The following PCDHGC5 variants were observed in gnomAD, a reference collection of about 807,000 sequenced individuals.
PCDHGC5 encodes protocadherin gamma subfamily C, 5, also known as protocadherin gamma-C5.
PCDHGC5 carries 25 observed loss-of-function variants against 59.0 expected under a neutral mutation model. That is an observed-to-expected ratio of 0.42 (90% CI 0.31 to 0.59). The LOEUF (loss-of-function observed/expected upper bound fraction) is 0.59. PCDHGC5 is among the 20% of genes least tolerant of loss of function. PCDHGC5 has a pLI of 0.13. For missense variants in PCDHGC5, 1,067 were observed against 1,206.4 expected (o/e 0.88, Z 1.71); for synonymous variants, 434 against 505.5 (o/e 0.86, Z 1.90).
rs1029237740 is a variant in PCDHGC5, at chr5:141,500,358, A to G, written c.2520-5035A>G. ...AGAATAGCTGGGACTACAGGCGCCC[A>G]CTACCACGCCCGGCTAATTATTTTG... On this transcript the variant is annotated intron_variant, in intron 2 of 3. Coordinates refer to ENST00000252087, the MANE Select transcript of PCDHGC5 (RefSeq NM_018929.3). Among the ~76,000 whole-genome samples, 5 of 151,706 alleles carry G rather than the reference A, an allele frequency of 3.3e-5. No homozygotes were observed. In the South Asian group the frequency reaches 6.3e-4, roughly 19 times the overall value.
chr5:141,502,027 C>T (rs547850211), intron 2 of PCDHGC5, among the ~76,000 whole-genome samples: 6 of 152,274 alleles, frequency 3.9e-5, no homozygotes, highest in African/African-American at 9.6e-5. Flanking sequence ...CTGCAACCCC[C>T]GCCGCTTGCC....
Position 141,489,087 on chromosome 5 carries a change from TGA to T in PCDHGC5, c.-153_-152del. The T allele has an allele frequency of 4.6e-6, 1 of 216,098 alleles. No individual in the cohort carries two copies. 13.4% of individuals were successfully genotyped at this position (216,098 alleles called of 1,614,324 possible). ...CCCCCTGCCCACCCCCGCCACTCGGTGACTAAGAACTGCTGCAAGCAGGCAAA... is the reference window on the plus strand; with the variant it reads ...CCCCCTGCCCACCCCCGCCACTCGGTCTAAGAACTGCTGCAAGCAGGCAAA... On this transcript the variant is annotated 5_prime_UTR_variant, in exon 1 of 4. Transcript: ENST00000252087. The surrounding 1 kb of genome is among the most constrained non-coding windows in gnomAD (Gnocchi z 4.5).
intron 3 of PCDHGC5, among the ~76,000 whole-genome samples, chr5:141,506,923 C>G: frequency 6.6e-6 from 1 of 152,184 alleles, no homozygotes; most frequent in African/African-American, 2.4e-5. Flanking sequence ...ACATACTAAA[C>G]AAACTTTAGG....
intron 1 of PCDHGC5, chr5:141,492,033 C>A: frequency 1.8e-6 from 1 of 548,342 alleles, no homozygotes; most frequent in Non-Finnish European, 3.1e-6. Flanking sequence ...CGGGAGGAGG[C>A]AGTCACAGAT....
chr5:141,492,230 C>T (rs1286145654), intron 1 of PCDHGC5, among the ~76,000 whole-genome samples: 1 of 152,196 alleles, frequency 6.6e-6, no homozygotes. Flanking sequence ...CGTGTCCTCC[C>T]TGCTGGCCAC....
intron 2 of PCDHGC5, among the ~76,000 whole-genome samples, chr5:141,500,231 C>T (rs992215482): frequency 1.4e-5 from 2 of 138,098 alleles, no homozygotes; most frequent in East Asian, 4.1e-4. Context: ...TTTATTGATA[C>T]GTAGCCTTGC....
At chr5:141,496,602 C>A (rs981108050) in intron 2 of PCDHGC5, among the ~76,000 whole-genome samples, 5 of 152,150 alleles carry the variant, frequency 3.3e-5, no homozygotes, top group Admixed American at 1.3e-4. Flanking sequence ...TCTTAGAAGG[C>A]CCCTAAAAAG....
chr5:141,499,921 C>A, intron 2 of PCDHGC5, among the ~76,000 whole-genome samples: 1 of 152,128 alleles, frequency 6.6e-6, no homozygotes, highest in Middle Eastern at 3.2e-3. Context: ...CTCCTGGCCT[C>A]AAGTGATCCA....
rs1177043977 is a variant in PCDHGC5, at chr5:141,491,919, C to G, written c.2460+219C>G. On this transcript the variant is annotated intron_variant, in intron 1 of 3. Coordinates refer to ENST00000252087, the MANE Select transcript of PCDHGC5 (RefSeq NM_018929.3). The surrounding 1 kb of genome is among the most constrained non-coding windows in gnomAD (Gnocchi z 6.9). ...CACCGGGGGTGGTGGCGACTGTGGG[C>G]GAGGGGAGGTGGGACCGACCCCCAC... 5 of 1,361,900 alleles carry G rather than the reference C, an allele frequency of 3.7e-6. No homozygotes were observed. The South Asian group carries it at 7.8e-5, about 21-fold the overall frequency. The allele number at this position is 1,361,900 out of a possible 1,614,324, so 84.4% of individuals were successfully genotyped here. A position where few individuals can be genotyped will look rare whatever the true frequency, so the allele number is the denominator to read the frequency against.
At chr5:141,507,810 G>C (rs550331241) in intron 3 of PCDHGC5, among the ~76,000 whole-genome samples, 5 of 152,172 alleles carry the variant, frequency 3.3e-5, no homozygotes, top group Non-Finnish European at 2.9e-5. Context: ...CCTGGGGAAC[G>C]GACCCTGGGG....
intron 2 of PCDHGC5, among the ~76,000 whole-genome samples, chr5:141,504,506 A>T (rs575756846): frequency 1.3e-5 from 2 of 152,096 alleles, no homozygotes; most frequent in African/African-American, 4.8e-5. Context: ...GTCTGAGTGG[A>T]TCTCCTCTGA....
rs1243327893 is a variant in PCDHGC5, at chr5:141,491,671, C to A, written c.2431C>A (p.Arg811Ser). 2.5e-6 allele frequency: 4 copies of A among 1,613,366 alleles called. No homozygotes were observed. Among genetic ancestry groups the A allele is most frequent in the Non-Finnish European group, 3.4e-6 (4 of 1,179,808 alleles). The change falls in exon 1 of 4, where the codon CGC becomes AGC. Residue 811 changes from arginine (R) to serine (S), a missense_variant. Coordinates refer to ENST00000252087, the MANE Select transcript of PCDHGC5 (RefSeq NM_018929.3). The surrounding 1 kb of genome is among the most constrained non-coding windows in gnomAD (Gnocchi z 6.9). Reference sequence around the variant, plus strand: ...GCTGGAGCCTGACGCCATCCGGTCCCGCTCTAATACGCTGCGGGAGCGGAG... The same window carrying A: ...GCTGGAGCCTGACGCCATCCGGTCCAGCTCTAATACGCTGCGGGAGCGGAG... ...LALEPDAIRS[R>S]SNTLRERSQQ...
Position 141,491,665 on chromosome 5 carries a change from C to G in PCDHGC5, c.2425C>G (p.Arg809Gly). ...TALALEPDAI[R>G]SRSNTLRERS... The stretch of plus-strand genomic sequence containing the variant: ...TCTGGCGCTGGAGCCTGACGCCATC[C>G]GGTCCCGCTCTAATACGCTGCGGGA... Residue 809 changes from arginine (R) to glycine (G), a missense_variant, in exon 1 of 4, where the codon CGG (arginine) becomes GGG (glycine). Physicochemically the swap from Arg to Gly is moderately radical, Grantham distance 125. Transcript: ENST00000252087. This position sits in a 1 kb window ranked among gnomAD's most constrained non-coding sequence, Gnocchi z 6.9. 1 of 1,613,764 alleles carries G rather than the reference C, an allele frequency of 6.2e-7. No homozygotes were observed. Among genetic ancestry groups the G allele is most frequent in the Non-Finnish European group, 8.5e-7 (1 of 1,180,000 alleles).
rs772884830 is a variant in PCDHGC5 at position 141,491,791 on chromosome 5, C to T, written c.2460+91C>T. ...TAAGGGATTGAACTTGCATCCACTCCTCTCCGGCCGGCTTGGTCGCTGGCT... is the reference window on the plus strand; with the variant it reads ...TAAGGGATTGAACTTGCATCCACTCTTCTCCGGCCGGCTTGGTCGCTGGCT... On this transcript the variant is annotated intron_variant, in intron 1 of 3. Coordinates refer to ENST00000252087, the MANE Select transcript of PCDHGC5 (RefSeq NM_018929.3). This position sits in a 1 kb window ranked among gnomAD's most constrained non-coding sequence, Gnocchi z 6.9. The T allele has an allele frequency of 3.3e-6, 5 of 1,518,376 alleles. No homozygotes were observed. In the African/African-American group the frequency reaches 4.2e-5, roughly 13 times the overall value. The allele number at this position is 1,518,376 out of a possible 1,614,324, so 94.1% of individuals were successfully genotyped here.
Position 141,490,503 on chromosome 5 carries a change from C to A in PCDHGC5, c.1263C>A (p.Ile421=), listed in dbSNP as rs2099701103. The change falls in exon 1 of 4, where the codon ATC becomes ATA. Residue 421 remains isoleucine (I), a synonymous_variant. Coordinates refer to ENST00000252087, the MANE Select transcript of PCDHGC5 (RefSeq NM_018929.3). The surrounding 1 kb of genome is among the most constrained non-coding windows in gnomAD (Gnocchi z 5.4). ...ACCGGGAGGCCACATCCCACTATAT[C>A]ATCGAGCTGCTGGCCAGCGATGCTG... ...PLDREATSHY[I]IELLASDAGS... is the part of the protein sequence containing the mutation. 3.7e-6 allele frequency: 6 copies of A among 1,614,206 alleles called. No individual in the cohort carries two copies. In the African/African-American group the frequency reaches 8.0e-5, roughly 22 times the overall value.
Position 141,511,344 on chromosome 5 carries a change from T to G in PCDHGC5, c.*171T>G, listed in dbSNP as rs2099883730. 3 of 1,419,052 alleles carry G rather than the reference T, an allele frequency of 2.1e-6. No homozygotes were observed. Among genetic ancestry groups the G allele is most frequent in the Non-Finnish European group, 2.8e-6 (3 of 1,067,404 alleles). 87.9% of individuals were successfully genotyped at this position (1,419,052 alleles called of 1,614,324 possible). On this transcript the variant is annotated 3_prime_UTR_variant, in exon 4 of 4. Coordinates refer to ENST00000252087, the MANE Select transcript of PCDHGC5 (RefSeq NM_018929.3). The stretch of plus-strand genomic sequence containing the variant: ...CAAGTGCCCAGTCAGCACCTACCCC[T>G]TCCCCCCCAGGGGGTTGAATATGCA...
Position 141,500,858 on chromosome 5 carries a change from A to G in PCDHGC5, c.2520-4535A>G, listed in dbSNP as rs1160743056. Among the ~76,000 whole-genome samples the G allele has an allele frequency of 3.3e-5, 5 of 150,740 alleles. No individual in the cohort carries two copies. The South Asian group carries it at 1.0e-3, about 32-fold the overall frequency. ...TAATGGGCTTTTGCTACATTAGAAA[A>G]CATACACATTCATTTACAATTTTTT... On this transcript the variant is annotated intron_variant, in intron 2 of 3. Coordinates refer to ENST00000252087, the MANE Select transcript of PCDHGC5 (RefSeq NM_018929.3).
intron 1 of PCDHGC5, among the ~76,000 whole-genome samples, chr5:141,492,421 C>G (rs986772215): frequency 5.9e-5 from 9 of 152,250 alleles, no homozygotes; most frequent in African/African-American, 1.9e-4. Context: ...CTCCCTCCGC[C>G]GGGCTCAGGA....
rs1270447529 is a variant in PCDHGC5 at position 141,490,526 on chromosome 5, C to A, written c.1286C>A (p.Ala429Asp). 3 of 1,614,116 alleles carry A rather than the reference C, an allele frequency of 1.9e-6. No homozygotes were observed. Among genetic ancestry groups the A allele is most frequent in the Non-Finnish European group, 2.5e-6 (3 of 1,180,008 alleles). Residue 429 changes from alanine to aspartate, a missense_variant, in exon 1 of 4, where the codon GCT becomes GAT. Transcript: ENST00000252087. This position sits in a 1 kb window ranked among gnomAD's most constrained non-coding sequence, Gnocchi z 5.4. ...ATCATCGAGCTGCTGGCCAGCGATG[C>A]TGGTTCACCTTCCCTACACAAACAT... ...HYIIELLASDAGSPSLHKHLT... is the reference protein window; with the variant it reads ...HYIIELLASDDGSPSLHKHLT...
Sources: gnomAD v4.1 joint callset for allele counts (sites outside exome capture counted in the v4.1 genomes callset) on GRCh38, gnomAD v4.1.1 for gene constraint, Gnocchi (gnomAD v3.1) non-coding constraint, MANE v1.5 for transcripts, NCBI Gene and HGNC (gene_info 2026-07-23, HGNC 2026-07-21) for gene names.